Variants in PEAK1 observed in about 807,000 individuals in gnomAD.
PEAK1 encodes the protein inactive tyrosine-protein kinase PEAK1.
Under a neutral mutation model 124.7 loss-of-function variants are expected in PEAK1, and 54 were observed. That is an observed-to-expected ratio of 0.43 (90% CI 0.35 to 0.54). The LOEUF (loss-of-function observed/expected upper bound fraction) is 0.54. Ranked by LOEUF, PEAK1 falls within the 20% of genes least tolerant of loss-of-function variation. PEAK1 has a pLI of 0.01. For missense variants in PEAK1, 2,046 were observed against 2,134.5 expected (o/e 0.96, Z 0.82); for synonymous variants, 719 against 760.0 (o/e 0.95, Z 0.89).
intron 6 of PEAK1, among the ~76,000 whole-genome samples, chr15:77,229,836 G>A (rs1331620101): frequency 1.3e-5 from 2 of 151,808 alleles, no homozygotes; most frequent in Admixed American, 6.6e-5. Flanking sequence ...TAGTAGAGAC[G>A]GGGTTTCACC....
At chr15:77,389,128 A>G (rs1459911432) in intron 1 of PEAK1, among the ~76,000 whole-genome samples, 1 of 151,898 alleles carries the variant, frequency 6.6e-6, no homozygotes, top group Non-Finnish European at 1.5e-5. Context: ...TAATTTTTAA[A>G]TTTTTTGTAG....
chr15:77,131,763 T>C (rs1016391127), intron 9 of PEAK1, among the ~76,000 whole-genome samples: 2 of 152,118 alleles, frequency 1.3e-5, no homozygotes, highest in South Asian at 4.1e-4. Context: ...GACAAGCATT[T>C]CTTAGCTGGT....
intron 1 of PEAK1, among the ~76,000 whole-genome samples, chr15:77,396,501 CA>C (rs1567349615): frequency 6.6e-6 from 1 of 151,764 alleles, no homozygotes; most frequent in Admixed American, 6.6e-5. Flanking sequence ...AAAAAACCAA[CA>C]AAAAAGTCCC....
At chr15:77,320,341 A>C (rs570616624) in intron 2 of PEAK1, among the ~76,000 whole-genome samples, 2 of 152,286 alleles carry the variant, frequency 1.3e-5, no homozygotes, top group East Asian at 3.9e-4. Flanking sequence ...CAAGAATAAA[A>C]CACTCTATCT....
At chr15:77,211,651 C>A (rs1281014986) in intron 6 of PEAK1, among the ~76,000 whole-genome samples, 1 of 151,942 alleles carries the variant, frequency 6.6e-6, no homozygotes, top group Non-Finnish European at 1.5e-5. Flanking sequence ...GAGTTTGAGA[C>A]CAGCTGGCCA....
intron 9 of PEAK1, among the ~76,000 whole-genome samples, chr15:77,124,217 T>C (rs767486204): frequency 6.6e-6 from 1 of 152,266 alleles, no homozygotes; most frequent in African/African-American, 2.4e-5. Flanking sequence ...GATTTTCCAA[T>C]TGCTCCTGCT....
intron 5 of PEAK1, among the ~76,000 whole-genome samples, chr15:77,268,551 C>CAAA (rs2061860475): frequency 1.3e-5 from 2 of 151,460 alleles, no homozygotes; most frequent in Admixed American, 1.3e-4. Flanking sequence ...ATTGGTGTTT[C>CAAA]TGGGGAAGAA....
intron 1 of PEAK1, among the ~76,000 whole-genome samples, chr15:77,373,307 GT>G (rs1253533281): frequency 6.6e-6 from 1 of 151,896 alleles, no homozygotes; most frequent in East Asian, 1.9e-4. Flanking sequence ...GTCTTCCCTG[GT>G]TTTCCCAAAA....
At chr15:77,184,667 C>T (rs1387073960) in intron 6 of PEAK1, among the ~76,000 whole-genome samples, 15 of 152,222 alleles carry the variant, frequency 9.9e-5, no homozygotes, top group East Asian at 5.8e-4. Context: ...GAGGCTGAGG[C>T]GGGTGGATCA....
chr15:77,376,130 A>C (rs2141748185), intron 1 of PEAK1, among the ~76,000 whole-genome samples: 1 of 152,140 alleles, frequency 6.6e-6, no homozygotes, highest in Non-Finnish European at 1.5e-5. Context: ...ATAACAAAAA[A>C]GAAAATGTAC....
At chr15:77,231,060 G>C (rs745942772) in intron 6 of PEAK1, among the ~76,000 whole-genome samples, 6 of 151,874 alleles carry the variant, frequency 4.0e-5, no homozygotes, top group Non-Finnish European at 7.4e-5. Flanking sequence ...TTTGATGACT[G>C]ATTTAAGCTG....
At chr15:77,247,227 T>C (rs2060628479) in intron 6 of PEAK1, among the ~76,000 whole-genome samples, 1 of 152,216 alleles carries the variant, frequency 6.6e-6, no homozygotes. Context: ...TTCATTTTTC[T>C]TTTTTTGCTT....
At chr15:77,155,545 G>C (rs1448956236) in intron 8 of PEAK1, 1 of 152,244 alleles carries the variant, frequency 6.6e-6, no homozygotes, top group African/African-American at 2.4e-5. Context: ...TGTTCCTTTG[G>C]AGGAGGAGAG....
chr15:77,236,308 A>G (rs560028360), intron 6 of PEAK1, among the ~76,000 whole-genome samples: 4 of 152,356 alleles, frequency 2.6e-5, no homozygotes, highest in Admixed American at 2.6e-4. Context: ...AGGACTACCC[A>G]AGGCCATGGG....
chr15:77,239,658 C>T (rs527477370), intron 6 of PEAK1: 34 of 182,316 alleles, frequency 1.9e-4, no homozygotes, highest in East Asian at 1.3e-3. Context: ...TCCCTTCATA[C>T]GTCAAAATCT....
At chr15:77,118,422 TA>T (rs1013521614) in intron 9 of PEAK1, among the ~76,000 whole-genome samples, 25 of 148,786 alleles carry the variant, frequency 1.7e-4, no homozygotes, top group East Asian at 5.8e-4. Flanking sequence ...CTCCTTTAGT[TA>T]AAAAAAAAAC....
intron 2 of PEAK1, among the ~76,000 whole-genome samples, chr15:77,344,023 T>A (rs751567782): frequency 5.3e-5 from 8 of 152,200 alleles, no homozygotes; most frequent in Non-Finnish European, 1.2e-4. Context: ...TGTCCTTTCC[T>A]CATTGAATGG....
chr15:77,139,507 C>T (rs1024516977), intron 8 of PEAK1, among the ~76,000 whole-genome samples: 9 of 152,058 alleles, frequency 5.9e-5, no homozygotes, highest in South Asian at 4.2e-4. Flanking sequence ...TAATGCCTTG[C>T]GCTGTGATGT....
chr15:77,203,599 C>T (rs887754593), intron 6 of PEAK1, among the ~76,000 whole-genome samples: 18 of 151,188 alleles, frequency 1.2e-4, no homozygotes, highest in Non-Finnish European at 1.6e-4. Flanking sequence ...TGGAACAGAA[C>T]AGATAGACCA....
Sources: allele counts gnomAD v4.1 joint callset (sites outside exome capture counted in the v4.1 genomes callset), GRCh38; gene constraint gnomAD v4.1.1; transcripts MANE v1.5; gene names NCBI Gene and HGNC (gene_info 2026-07-23, HGNC 2026-07-21).